Variants in SUGCT observed in about 807,000 individuals in gnomAD.
The protein encoded by SUGCT is succinyl-CoA:glutarate-CoA transferase.
SUGCT carries 41 observed loss-of-function variants against 55.0 expected under a neutral mutation model. The observed-to-expected ratio is 0.74, with a 90% CI of 0.58 to 0.97. SUGCT has a LOEUF of 0.97. Among genes scored for constraint, SUGCT ranks in the 50% least tolerant of loss-of-function variants. The probability of loss-of-function intolerance (pLI) is 0.00; values close to 1 mark genes in which losing one functional copy is unlikely to be tolerated. For synonymous variants in SUGCT, 187 were observed against 200.4 expected (o/e 0.93, Z 0.56); for missense variants, 568 against 547.8 (o/e 1.04, Z -0.37).
chr7:40,478,181 T>A (rs2151482692), intron 11 of SUGCT, among the ~76,000 whole-genome samples: 1 of 152,236 alleles, frequency 6.6e-6, no homozygotes, highest in East Asian at 1.9e-4. Context: ...TTTTAAATTT[T>A]TTTTTCCAGA....
intron 1 of SUGCT, among the ~76,000 whole-genome samples, chr7:40,162,629 A>C (rs1252447732): frequency 2.0e-5 from 3 of 152,154 alleles, no homozygotes; most frequent in African/African-American, 7.2e-5. Context: ...GGCATGCACC[A>C]TCATTCCCAG....
chr7:40,693,361 C>T (rs1246140791), intron 12 of SUGCT, among the ~76,000 whole-genome samples: 4 of 152,134 alleles, frequency 2.6e-5, no homozygotes, highest in African/African-American at 9.7e-5. Flanking sequence ...GAGATGAGAC[C>T]TAGAATTAAT....
chr7:41,003,288 G>C, the SUGCT span, among the ~76,000 whole-genome samples: 1 of 152,130 alleles, frequency 6.6e-6, no homozygotes, highest in East Asian at 1.9e-4. Flanking sequence ...ATTTAACTCA[G>C]ATACAGGTGG....
chr7:40,180,163 C>T (rs1370602061), intron 1 of SUGCT, among the ~76,000 whole-genome samples: 15 of 150,924 alleles, frequency 9.9e-5, no homozygotes, highest in Admixed American at 6.6e-4. Flanking sequence ...CTTGCTGTGT[C>T]GCTCAGGTGG....
chr7:40,499,139 C>G (rs756851980), intron 12 of SUGCT: 2 of 456,410 alleles, frequency 4.4e-6, no homozygotes. Flanking sequence ...TCTCCATGTG[C>G]GCTGTGCCAG....
At chr7:40,245,406 T>TAC (rs1789756560) in intron 7 of SUGCT, among the ~76,000 whole-genome samples, 1 of 29,456 alleles carries the variant, frequency 3.4e-5, no homozygotes, top group African/African-American at 1.9e-4. Flanking sequence ...GTAGTAGACA[T>TAC]ATATATATAT....
At chr7:40,707,452 A>G (rs1389911890) in intron 12 of SUGCT, among the ~76,000 whole-genome samples, 2 of 152,182 alleles carry the variant, frequency 1.3e-5, no homozygotes, top group Non-Finnish European at 2.9e-5. Context: ...CAAGAGAGGA[A>G]AAGTGTGTGT....
At chr7:40,794,406 T>C (rs1790453981) in intron 13 of SUGCT, among the ~76,000 whole-genome samples, 1 of 152,180 alleles carries the variant, frequency 6.6e-6, no homozygotes, top group South Asian at 2.1e-4. Context: ...TCACCCTCCA[T>C]GCTGTGTCAG....
intron 9 of SUGCT, among the ~76,000 whole-genome samples, chr7:40,366,041 G>A (rs1783939578): frequency 6.6e-6 from 1 of 152,338 alleles, no homozygotes; most frequent in East Asian, 1.9e-4. Context: ...TACCAAAACA[G>A]CATGGTACTG....
chr7:40,772,495 TATCTATC>T (rs1190756267), intron 13 of SUGCT, among the ~76,000 whole-genome samples: 1 of 5,544 alleles, frequency 1.8e-4, no homozygotes, highest in Admixed American at 1.8e-3. Flanking sequence ...TCTTTTGAAA[TATCTATC>T]TATCTATCTA....
intron 12 of SUGCT, among the ~76,000 whole-genome samples, chr7:40,676,513 T>C (rs550136755): frequency 6.6e-6 from 1 of 150,670 alleles, no homozygotes; most frequent in South Asian, 2.1e-4. Flanking sequence ...TGTTTTTTTT[T>C]TTTTTTTGAG....
chr7:40,544,113 G>A (rs895356636), intron 12 of SUGCT, among the ~76,000 whole-genome samples: 2 of 149,996 alleles, frequency 1.3e-5, no homozygotes, highest in Non-Finnish European at 3.0e-5. Flanking sequence ...AACTTACTTG[G>A]CTTGGGTGAA....
chr7:40,256,666 A>G (rs1790829901), intron 7 of SUGCT, among the ~76,000 whole-genome samples: 1 of 152,178 alleles, frequency 6.6e-6, no homozygotes, highest in South Asian at 2.1e-4. Flanking sequence ...CTTGTTACAG[A>G]AACAGTTATT....
intron 9 of SUGCT, among the ~76,000 whole-genome samples, chr7:40,392,538 GT>G (rs1251035506): frequency 1.3e-5 from 2 of 152,216 alleles, no homozygotes; most frequent in African/African-American, 4.8e-5. Flanking sequence ...CAAATATCAA[GT>G]GAGGTTTGCA....
At chr7:40,765,869 C>G (rs1254381126) in intron 13 of SUGCT, among the ~76,000 whole-genome samples, 2 of 152,204 alleles carry the variant, frequency 1.3e-5, no homozygotes, top group African/African-American at 4.8e-5. Flanking sequence ...CACAAGGCCC[C>G]TTCCTGTTCT....
intron 1 of SUGCT, among the ~76,000 whole-genome samples, chr7:40,164,174 A>G (rs1380005734): frequency 6.8e-6 from 1 of 147,314 alleles, no homozygotes; most frequent in African/African-American, 2.5e-5. Flanking sequence ...TGCAGACTGG[A>G]GTGCAGTGGC....
At chr7:40,632,963 T>C (rs1799856646) in intron 12 of SUGCT, among the ~76,000 whole-genome samples, 1 of 152,178 alleles carries the variant, frequency 6.6e-6, no homozygotes, top group East Asian at 1.9e-4. Context: ...TCAAGCCATG[T>C]TGGTTCATCT....
At chr7:40,757,821 T>A (rs1788333022) in intron 13 of SUGCT, among the ~76,000 whole-genome samples, 1 of 152,140 alleles carries the variant, frequency 6.6e-6, no homozygotes, top group African/African-American at 2.4e-5. Context: ...AGAAGATGTA[T>A]CAGAAATTTT....
At chr7:40,483,287 C>T (rs1791154143) in intron 11 of SUGCT, among the ~76,000 whole-genome samples, 1 of 152,126 alleles carries the variant, frequency 6.6e-6, no homozygotes, top group South Asian at 2.1e-4. Flanking sequence ...GTATGGAATG[C>T]ACCCCTGTAC....
Sources: allele counts gnomAD v4.1 joint callset (sites outside exome capture counted in the v4.1 genomes callset), GRCh38; gene constraint gnomAD v4.1.1; transcripts MANE v1.5; gene names NCBI Gene and HGNC (gene_info 2026-07-23, HGNC 2026-07-21).